HFM1: variants seen among roughly 807,000 people sequenced by gnomAD.
The protein encoded by HFM1 is probable ATP-dependent DNA helicase HFM1.
In HFM1, 169 loss-of-function variants were observed where a neutral mutation model predicts 192.1. That is an observed-to-expected ratio of 0.88 (90% CI 0.78 to 1.00). The LOEUF (loss-of-function observed/expected upper bound fraction) is 1.00, where lower values mean the gene tolerates loss of function less well. Ranked by LOEUF, HFM1 falls within the 50% of genes least tolerant of loss-of-function variation. The pLI, the probability that HFM1 is intolerant of heterozygous loss-of-function variation, is 0.00. For missense variants in HFM1, 1,661 were observed against 1,668.0 expected, an observed-to-expected ratio of 1.00 and a Z score of 0.07; for synonymous variants, 525 against 537.8, an observed-to-expected ratio of 0.98 and a Z score of 0.33.
chr1:91,383,511 C>A (rs1661801596), intron 6 of HFM1, among the ~76,000 whole-genome samples: 1 of 152,158 alleles, frequency 6.6e-6, no homozygotes, highest in Non-Finnish European at 1.5e-5. Flanking sequence ...AATCAGCCAT[C>A]TGCATTGGAG....
At position 91,385,812 on chromosome 1, in the gene HFM1, T is replaced by A. The variant is rs897634028; in HGVS notation, c.517A>T (p.Ile173Leu). 2.5e-6 allele frequency: 4 copies of A among 1,598,872 alleles called. No individual in the cohort carries two copies. Among genetic ancestry groups the A allele is most frequent in the Non-Finnish European group, 3.4e-6 (4 of 1,171,400 alleles). Residue 173 changes from isoleucine (I) to leucine (L), a missense_variant, in exon 5 of 39, where the codon ATA becomes TTA. Ile to Leu is a conservative substitution (Grantham distance 5). Transcript: ENST00000370425. ...TCATTAGAATAAGCACTCCCATGTA[T>A]ATTGTCAGATATTTTAAATAATCTG... ...RKRLFKISDN[I>L]HGSAYSNDNE...
intron 13 of HFM1, among the ~76,000 whole-genome samples, chr1:91,364,965 T>A (rs1213218006): frequency 4.0e-5 from 6 of 151,664 alleles, no homozygotes; most frequent in African/African-American, 4.8e-5. Context: ...TACACACACA[T>A]ACACACACAC....
chr1:91,346,328 CATT>C lies in HFM1; in HGVS notation c.2254+1098_2254+1100del, dbSNP rs761522370. Among the ~76,000 whole-genome samples the C allele has an allele frequency of 5.9e-5, 9 of 152,074 alleles. No individual in the cohort carries two copies. The East Asian group carries it at 1.7e-3, about 29-fold the overall frequency. On this transcript the variant is annotated intron_variant, in intron 19 of 38. Coordinates refer to ENST00000370425, the MANE Select transcript of HFM1 (RefSeq NM_001017975.6). ...GTCTAATTTCTTGAGTGTATTTGAT[CATT>C]ATTTTCAAAATATATGTTTAATTAA...
At chr1:91,265,238 C>T (rs537933839) in intron 36 of HFM1, among the ~76,000 whole-genome samples, 4 of 152,326 alleles carry the variant, frequency 2.6e-5, no homozygotes, top group African/African-American at 7.2e-5. Flanking sequence ...CCCTAGGACA[C>T]ATCTGGCCTA....
chr1:91,329,960 C>T (rs2390924), intron 20 of HFM1, among the ~76,000 whole-genome samples: 2 of 152,214 alleles, frequency 1.3e-5, no homozygotes, highest in Middle Eastern at 3.2e-3. Flanking sequence ...CCTTGAGAGA[C>T]AGCCATCAGG....
chr1:91,404,934 C>T (rs1424125204), upstream of HFM1: 1 of 451,318 alleles, frequency 2.2e-6, no homozygotes, highest in Non-Finnish European at 4.4e-6. Context: ...TTTTTTTCTC[C>T]GAAAGTTTAT....
chr1:91,395,068 T>C (rs1450822844), intron 3 of HFM1, among the ~76,000 whole-genome samples: 1 of 151,968 alleles, frequency 6.6e-6, no homozygotes, highest in East Asian at 1.9e-4. Flanking sequence ...AATAATAAAA[T>C]GAATGTGCAT....
chr1:91,313,581 C>G, intron 29 of HFM1, 86 bp from the exon 30 acceptor site: 2 of 921,066 alleles, frequency 2.2e-6, no homozygotes, highest in Non-Finnish European at 3.1e-6. Context: ...ATCTCTCTTA[C>G]ATTTTTATAA....
chr1:91,380,279 T>C lies in HFM1; in HGVS notation c.874-43A>G, dbSNP rs138809123. 3.8e-4 allele frequency: 449 copies of C among 1,172,736 alleles called. 5 individuals are homozygous for C. The East Asian group carries it at 0.012, about 30-fold the overall frequency. The allele number at this position is 1,172,736 out of a possible 1,614,324, so 72.6% of individuals were successfully genotyped here. A position where few individuals can be genotyped will look rare whatever the true frequency, so the allele number is the denominator to read the frequency against. ...ATCAATCATGTAACATATAGACTTT[T>C]TCACACACATTCTCAATTTGTTAAA... On this transcript the variant is annotated intron_variant, in intron 7 of 38. Transcript: ENST00000370425.
chr1:91,313,247 C>A, intron 30 of HFM1, 102 bp downstream of exon 30: 1 of 590,174 alleles, frequency 1.7e-6, no homozygotes, highest in African/African-American at 1.9e-5. Context: ...TATCTTATTC[C>A]AGAGTATCCT....
chr1:91,285,194 C>A (rs1667840790), intron 30 of HFM1, among the ~76,000 whole-genome samples: 1 of 152,132 alleles, frequency 6.6e-6, no homozygotes, highest in Non-Finnish European at 1.5e-5. Context: ...ATTACCCAGT[C>A]TCAGTTATGT....
chr1:91,307,599 C>T (rs1388408817), intron 30 of HFM1, among the ~76,000 whole-genome samples: 2 of 151,988 alleles, frequency 1.3e-5, no homozygotes, highest in Non-Finnish European at 2.9e-5. Flanking sequence ...ACCACTGGTG[C>T]ACATCACCAC....
At chr1:91,351,181 A>G (rs1355054397) in intron 17 of HFM1, among the ~76,000 whole-genome samples, 1 of 151,906 alleles carries the variant, frequency 6.6e-6, no homozygotes, top group Non-Finnish European at 1.5e-5. Flanking sequence ...GATTTCCTCT[A>G]TTATTAAGTT....
chr1:91,335,027 G>A (rs1257534760), intron 20 of HFM1, among the ~76,000 whole-genome samples: 1 of 152,050 alleles, frequency 6.6e-6, no homozygotes, highest in Non-Finnish European at 1.5e-5. Flanking sequence ...CTGGGAAGAA[G>A]AAAGTAGCAT....
intron 1 of HFM1, among the ~76,000 whole-genome samples, chr1:91,403,780 A>G (rs1402373424): frequency 6.6e-6 from 1 of 152,138 alleles, no homozygotes; most frequent in Non-Finnish European, 1.5e-5. Flanking sequence ...TATATTAATG[A>G]CAATCTCTAG....
At chr1:91,323,741 A>C (rs371753451) in intron 21 of HFM1, among the ~76,000 whole-genome samples, 12 of 152,294 alleles carry the variant, frequency 7.9e-5, no homozygotes, top group African/African-American at 2.9e-4. Context: ...CACTTGTTTT[A>C]ATTTTCTTAC....
In HFM1 at chr1:91,401,059, C is replaced by A; in HGVS notation, c.24G>T (p.Leu8=). 6.4e-7 allele frequency: 1 copy of A among 1,554,594 alleles called. No homozygotes were observed. The highest frequency in any genetic ancestry group is 8.7e-7 in the Non-Finnish European group (1 of 1,155,018). The change falls in exon 2 of 39, where the codon CTG becomes CTT. Residue 8 remains leucine (L), a synonymous_variant. Coordinates refer to ENST00000370425, the MANE Select transcript of HFM1 (RefSeq NM_001017975.6). The stretch of plus-strand genomic sequence containing the variant: ...CAAAAAACAAATTTTCCAAAGAAAA[C>A]AGGCAATCATTTGATTTCAGCATTG... The part of the protein sequence containing the change: MLKSNDC[L]FSLENLFFEK...
At chr1:91,348,524 T>C (rs947199542) in intron 18 of HFM1, among the ~76,000 whole-genome samples, 1 of 152,214 alleles carries the variant, frequency 6.6e-6, no homozygotes, top group East Asian at 1.9e-4. Context: ...TGCTGCATTG[T>C]TCGTAAGAGC....
chr1:91,345,968 G>C (rs1170071738), intron 19 of HFM1, among the ~76,000 whole-genome samples: 1 of 152,152 alleles, frequency 6.6e-6, no homozygotes, highest in Non-Finnish European at 1.5e-5. Flanking sequence ...GAGAAATTCA[G>C]TTTTCCCTGG....
Sources: gnomAD v4.1 joint callset for allele counts (sites outside exome capture counted in the v4.1 genomes callset) on GRCh38, gnomAD v4.1.1 for gene constraint, MANE v1.5 for transcripts, NCBI Gene and HGNC (gene_info 2026-07-23, HGNC 2026-07-21) for gene names.